DLC1: variants seen among roughly 807,000 people sequenced by gnomAD.
DLC1 encodes rho GTPase-activating protein 7.
DLC1 carries 54 observed loss-of-function variants against 140.3 expected under a neutral mutation model. That is an observed-to-expected ratio of 0.38 (90% confidence interval 0.31 to 0.48). DLC1 has a LOEUF of 0.48. Among genes scored for constraint, DLC1 ranks in the 20% least tolerant of loss-of-function variants. The pLI is 0.96. For missense variants in DLC1, 2,536 were observed against 1,907.0 expected (o/e 1.33, Z -6.14); for synonymous variants, 986 against 728.1 (o/e 1.35, Z -5.70).
At chr8:13,466,524 C>T (rs1799947127) in intron 2 of DLC1, among the ~76,000 whole-genome samples, 1 of 152,130 alleles carries the variant, frequency 6.6e-6, no homozygotes, top group Non-Finnish European at 1.5e-5. Context: ...TCAACATTTC[C>T]TGTGGGAGAG....
At chr8:13,326,345 G>A (rs1212560003) in intron 4 of DLC1, among the ~76,000 whole-genome samples, 1 of 152,194 alleles carries the variant, frequency 6.6e-6, no homozygotes, top group African/African-American at 2.4e-5. Flanking sequence ...TACCTCAGCT[G>A]ACCTCTACTT....
At chr8:13,338,617 T>C (rs940853293) in intron 4 of DLC1, 4 of 152,222 alleles carry the variant, frequency 2.6e-5, no homozygotes, top group African/African-American at 9.6e-5. Context: ...CTCTGATCCC[T>C]GACTCTGAGA....
intron 2 of DLC1, among the ~76,000 whole-genome samples, chr8:13,446,819 G>A (rs1173236720): frequency 1.3e-5 from 2 of 152,064 alleles, no homozygotes; most frequent in East Asian, 3.9e-4. Flanking sequence ...GTGGGTGCCT[G>A]TAAACCCAGC....
At chr8:13,565,740 C>T (rs79147620) in intron 1 of DLC1, among the ~76,000 whole-genome samples, 1,702 of 152,196 alleles carry the variant, frequency 0.011, 47 homozygotes, top group East Asian at 0.078. Flanking sequence ...GGTGTCTAGG[C>T]TCTTAAAATT....
intron 3 of DLC1, among the ~76,000 whole-genome samples, chr8:13,397,466 C>G (rs2117234391): frequency 6.6e-6 from 1 of 152,176 alleles, no homozygotes; most frequent in Admixed American, 6.5e-5. Flanking sequence ...AGAGACTGCA[C>G]TGGCACTACT....
chr8:13,119,773 C>T (rs1035200724), intron 5 of DLC1, among the ~76,000 whole-genome samples: 13 of 151,822 alleles, frequency 8.6e-5, no homozygotes, highest in South Asian at 4.2e-4. Flanking sequence ...GCAATAATTG[C>T]GAGACTTCAT....
At chr8:13,513,010 GT>G (rs1252546843) in intron 1 of DLC1, among the ~76,000 whole-genome samples, 2 of 128,554 alleles carry the variant, frequency 1.6e-5, no homozygotes, top group African/African-American at 6.0e-5. Flanking sequence ...GCAAATTTCT[GT>G]CTGCAAAGCA....
chr8:13,153,716 A>G (rs1031992898), intron 5 of DLC1, among the ~76,000 whole-genome samples: 1 of 152,112 alleles, frequency 6.6e-6, no homozygotes. Context: ...AGTCCCCACT[A>G]GATTAGCTAG....
chr8:13,566,768 G>C, intron 1 of DLC1: 1 of 575,282 alleles, frequency 1.7e-6, no homozygotes, highest in Admixed American at 3.6e-5. Context: ...AGCGCAGTGG[G>C]CGCTGGGGAG....
In DLC1 at chr8:13,373,717, C is replaced by G. The variant is rs573745541; in HGVS notation, c.1314+19836G>C. Among the ~76,000 whole-genome samples, 88 of 152,198 alleles carry G rather than the reference C, an allele frequency of 5.8e-4. 1 individual carries two copies. The South Asian group carries it at 0.015, about 26-fold the overall frequency. On this transcript the variant is annotated intron_variant, in intron 4 of 17. Coordinates refer to ENST00000276297, the MANE Select transcript of DLC1 (RefSeq NM_182643.3). ...GGTCACTGGGAGAGGGCTCCCTGTGCCTTGAATATTCTGCTAAGAGATTTA... is the reference window on the plus strand; with the variant it reads ...GGTCACTGGGAGAGGGCTCCCTGTGGCTTGAATATTCTGCTAAGAGATTTA...
chr8:13,368,989 A>T (rs1355821295), intron 4 of DLC1, among the ~76,000 whole-genome samples: 1 of 152,082 alleles, frequency 6.6e-6, no homozygotes, highest in Non-Finnish European at 1.5e-5. Context: ...ATGCCTGGCT[A>T]ATTTTTATAT....
chr8:13,485,956 G>T (rs186503108), intron 2 of DLC1, among the ~76,000 whole-genome samples: 2 of 152,148 alleles, frequency 1.3e-5, no homozygotes, highest in East Asian at 1.9e-4. Flanking sequence ...ACAGAAATCC[G>T]CTAGCTAACT....
At chr8:13,552,129 A>ATATATATATATATATATATATATC (rs1219850651) in intron 1 of DLC1, among the ~76,000 whole-genome samples, 1 of 131,868 alleles carries the variant, frequency 7.6e-6, no homozygotes. Flanking sequence ...ATATATATAT[A>ATATATATATATATATATATATATC]TATATATATA....
intron 1 of DLC1, among the ~76,000 whole-genome samples, chr8:13,559,570 A>G (rs1804171612): frequency 6.6e-6 from 1 of 152,218 alleles, no homozygotes; most frequent in Non-Finnish European, 1.5e-5. Context: ...CTATGTAATT[A>G]TAATAATATT....
chr8:13,584,919 A>T (rs1402733928), intron 1 of DLC1, among the ~76,000 whole-genome samples: 1 of 152,162 alleles, frequency 6.6e-6, no homozygotes, highest in Non-Finnish European at 1.5e-5. Context: ...CCCTCTTAAT[A>T]AATCTCTTAC....
intron 2 of DLC1, among the ~76,000 whole-genome samples, chr8:13,434,894 G>T (rs534555871): frequency 1.3e-4 from 20 of 152,136 alleles, no homozygotes; most frequent in Middle Eastern, 6.8e-3. Flanking sequence ...TGCTTAGGTT[G>T]GTCTTGAACT....
At chr8:13,573,054 T>A (rs1804717990) in intron 1 of DLC1, among the ~76,000 whole-genome samples, 1 of 152,168 alleles carries the variant, frequency 6.6e-6, no homozygotes. Flanking sequence ...TCTGTATATA[T>A]CTTTGGGTAA....
chr8:13,541,690 C>A (rs2898365), intron 1 of DLC1, among the ~76,000 whole-genome samples: 40,022 of 151,932 alleles, frequency 0.26, 5,780 homozygotes, highest in African/African-American at 0.37. Context: ...GCTGGGACTA[C>A]AGGCGCCTGC....
chr8:13,266,450 A>G (rs182784289), intron 5 of DLC1, among the ~76,000 whole-genome samples: 90 of 152,296 alleles, frequency 5.9e-4, no homozygotes, highest in African/African-American at 2.1e-3. Flanking sequence ...CTGGCTGTTA[A>G]GAAAGCTCTT....
Sources: allele counts gnomAD v4.1 joint callset (sites outside exome capture counted in the v4.1 genomes callset), GRCh38; gene constraint gnomAD v4.1.1; transcripts MANE v1.5; gene names NCBI Gene and HGNC (gene_info 2026-07-23, HGNC 2026-07-21).